The following RAB4B variants were observed in gnomAD, a reference collection of about 807,000 sequenced individuals.
RAB4B encodes the protein ras-related protein Rab-4B.
Under a neutral mutation model 28.3 loss-of-function variants are expected in RAB4B, and 15 were observed. The observed-to-expected ratio is 0.53, with a 90% CI of 0.35 to 0.82. The LOEUF (loss-of-function observed/expected upper bound fraction) is 0.82. RAB4B is among the 40% of genes least tolerant of loss of function. The pLI, the probability that RAB4B is intolerant of heterozygous loss-of-function variation, is 0.01. For missense variants in RAB4B, 244 were observed against 288.5 expected, an observed-to-expected ratio of 0.85 and a Z score of 1.12; for synonymous variants, 108 against 116.3, an observed-to-expected ratio of 0.93 and a Z score of 0.46.
At position 40,780,041 on chromosome 19, in the gene RAB4B, G is replaced by A. The variant is rs1397226650; in HGVS notation, c.39G>A (p.Val13=). 1 of 1,611,344 alleles carries A rather than the reference G, an allele frequency of 6.2e-7. No homozygotes were observed. Among genetic ancestry groups the A allele is most frequent in the Admixed American group, 1.7e-5 (1 of 59,988 alleles). The change falls in exon 2 of 8, where the codon GTG becomes GTA. Residue 13 remains valine (V), a synonymous_variant. Coordinates refer to ENST00000357052, the MANE Select transcript of RAB4B (RefSeq NM_016154.5). Reference sequence around the variant, plus strand: ...CAGACTTCCTCTTCAAATTCCTGGTGATTGGCAGTGCAGGAACTGGCAAAT... The same window carrying A: ...CAGACTTCCTCTTCAAATTCCTGGTAATTGGCAGTGCAGGAACTGGCAAAT... ...ETYDFLFKFL[V]IGSAGTGKSC... is the part of the protein sequence containing the mutation.
chr19:40,784,429 A>T (rs2083079080), intron 5 of RAB4B, among the ~76,000 whole-genome samples: 1 of 152,126 alleles, frequency 6.6e-6, no homozygotes, highest in South Asian at 2.1e-4. Flanking sequence ...AGAGTTTAAG[A>T]CTGCAGTGAG....
chr19:40,784,183 A>C (rs1441597798), intron 5 of RAB4B, 108 bp downstream of exon 5: 1 of 1,389,868 alleles, frequency 7.2e-7, no homozygotes, highest in Non-Finnish European at 9.6e-7. Flanking sequence ...GTGGAGGTTC[A>C]GAAGTCTGGG....
At chr19:40,788,784 CTTTTT>C (rs1173685187) in intron 7 of RAB4B, among the ~76,000 whole-genome samples, 1,932 of 84,046 alleles carry the variant, frequency 0.023, 10 homozygotes, top group Non-Finnish European at 0.033. Flanking sequence ...GACAGGGTTT[CTTTTT>C]TTTTTTTTTT....
intron 7 of RAB4B, among the ~76,000 whole-genome samples, chr19:40,790,093 A>G (rs1599748019): frequency 6.6e-6 from 1 of 152,100 alleles, no homozygotes; most frequent in Non-Finnish European, 1.5e-5. Flanking sequence ...TCTGGCTTAT[A>G]CCCTGTGTGG....
intron 7 of RAB4B, among the ~76,000 whole-genome samples, chr19:40,789,859 G>C (rs764718047): frequency 4.6e-5 from 7 of 152,200 alleles, no homozygotes; most frequent in Non-Finnish European, 1.0e-4. Flanking sequence ...ACATTTGAGT[G>C]AAGGAAGGGA....
chr19:40,792,396 C>A (rs1468762141), intron 7 of RAB4B: 1 of 152,186 alleles, frequency 6.6e-6, no homozygotes, highest in East Asian at 1.9e-4. Context: ...TTCTTCTTAT[C>A]CATCTTTGGG....
intron 1 of RAB4B, 78 bp downstream of exon 1, chr19:40,778,469 G>A (rs1012963710): frequency 3.7e-6 from 5 of 1,341,170 alleles, no homozygotes; most frequent in Non-Finnish European, 3.9e-6. Context: ...GCGGGGCTTT[G>A]TAGATCAGGG....
intron 1 of RAB4B, 144 bp from the exon 2 acceptor site, chr19:40,779,875 T>A (rs1342693523): frequency 6.5e-7 from 1 of 1,527,496 alleles, no homozygotes; most frequent in Non-Finnish European, 8.8e-7. Context: ...CTGTTACTGT[T>A]ACCTATTGGT....
Position 40,780,564 on chromosome 19 carries a change from G to A in RAB4B, c.212+65G>A. 4 of 1,383,600 alleles carry A rather than the reference G, an allele frequency of 2.9e-6. No homozygotes were observed. The South Asian group carries it at 3.7e-5, about 13-fold the overall frequency. 85.7% of individuals were successfully genotyped at this position (1,383,600 alleles called of 1,614,324 possible). A position where few individuals can be genotyped will look rare whatever the true frequency, so the allele number is the denominator to read the frequency against. On this transcript the variant is annotated intron_variant, in intron 3 of 7. Coordinates refer to ENST00000357052, the MANE Select transcript of RAB4B (RefSeq NM_016154.5). ...GTGAGAAGGAAAGAGAGAGATGTGT[G>A]TGTAGAGTCACTTGGAGACACTGAG...
intron 3 of RAB4B, among the ~76,000 whole-genome samples, chr19:40,781,177 C>T (rs1487738172): frequency 2.7e-5 from 4 of 147,682 alleles, no homozygotes; most frequent in African/African-American, 1.0e-4. Context: ...ATGCTAGCTA[C>T]TTGGGAGGCT....
intron 7 of RAB4B, among the ~76,000 whole-genome samples, chr19:40,791,644 T>A (rs890462725): frequency 1.3e-5 from 2 of 152,012 alleles, no homozygotes; most frequent in Non-Finnish European, 2.9e-5. Flanking sequence ...GTCCAAACTT[T>A]TGTTTTTTTT....
At chr19:40,794,373 C>A (rs1035071004) in intron 7 of RAB4B, among the ~76,000 whole-genome samples, 1 of 151,712 alleles carries the variant, frequency 6.6e-6, no homozygotes, top group Non-Finnish European at 1.5e-5. Context: ...CTGCGCCCGG[C>A]CTATTTACAA....
At chr19:40,786,807 G>T (rs1358582131) in intron 6 of RAB4B, 41 bp from the exon 7 acceptor site, 1 of 1,614,138 alleles carries the variant, frequency 6.2e-7, no homozygotes, top group East Asian at 2.2e-5. Flanking sequence ...AGGCCCGGGG[G>T]TCTCCAGGCA....
At chr19:40,780,148 A>G (rs776084418) in intron 2 of RAB4B, 49 bp downstream of exon 2, 1 of 1,606,716 alleles carries the variant, frequency 6.2e-7, no homozygotes, top group Admixed American at 1.7e-5. Context: ...GTTTATGCGC[A>G]TGGTGTGGGC....
chr19:40,782,830 A>ATCAG (rs1027811816), intron 3 of RAB4B, among the ~76,000 whole-genome samples: 1 of 147,310 alleles, frequency 6.8e-6, no homozygotes, highest in African/African-American at 2.5e-5. Flanking sequence ...CAATCAATCA[A>ATCAG]TCAATCAATC....
chr19:40,791,389 A>G (rs2083158048), intron 7 of RAB4B, among the ~76,000 whole-genome samples: 1 of 152,056 alleles, frequency 6.6e-6, no homozygotes, highest in Non-Finnish European at 1.5e-5. Flanking sequence ...TCAGGGCCCC[A>G]GGACACAAAT....
rs899061523 is a variant in RAB4B at position 40,787,061 on chromosome 19, A to T, written c.*15+83A>T. On this transcript the variant is annotated intron_variant, in intron 7 of 7. Coordinates refer to ENST00000357052, the MANE Select transcript of RAB4B (RefSeq NM_016154.5). The stretch of plus-strand genomic sequence containing the variant: ...TGTGGAGATAGACACTGAACATGTG[A>T]TGACAAGAGAAACAGAGTGAGAGAA... 4.2e-6 allele frequency: 5 copies of T among 1,191,754 alleles called. No individual in the cohort carries two copies. The East Asian group carries it at 1.3e-4, about 30-fold the overall frequency. 73.8% of individuals were successfully genotyped at this position (1,191,754 alleles called of 1,614,324 possible).
chr19:40,796,437 T>C (rs193278354), intron 7 of RAB4B, 133 bp from the exon 8 acceptor site: 41 of 152,320 alleles, frequency 2.7e-4, no homozygotes, highest in African/African-American at 9.4e-4. Context: ...AATCAGACAA[T>C]GTAGAAACCG....
chr19:40,788,041 GC>G (rs559562711), intron 7 of RAB4B, among the ~76,000 whole-genome samples: 10 of 148,708 alleles, frequency 6.7e-5, no homozygotes, highest in Middle Eastern at 3.6e-3. Context: ...CCAGCTTCCT[GC>G]CCTAGACCTT....
Sources: allele counts gnomAD v4.1 joint callset (sites outside exome capture counted in the v4.1 genomes callset), GRCh38; gene constraint gnomAD v4.1.1; transcripts MANE v1.5; gene names NCBI Gene and HGNC (gene_info 2026-07-23, HGNC 2026-07-21).